Variants in ISLR2 observed in about 807,000 individuals in gnomAD.
ISLR2 encodes immunoglobulin superfamily containing leucine rich repeat 2, also known as immunoglobulin superfamily containing leucine-rich repeat protein 2.
ISLR2 carries 16 observed loss-of-function variants against 25.5 expected under a neutral mutation model. The ratio of observed to expected loss-of-function variants is 0.63; its 90% CI spans 0.43 to 0.95. The LOEUF is 0.95. Among genes scored for constraint, ISLR2 ranks in the 40% least tolerant of loss-of-function variants. ISLR2 has a pLI of 0.00. For missense variants in ISLR2, 883 were observed against 1,030.7 expected (o/e 0.86, Z 1.96); for synonymous variants, 508 against 486.6 (o/e 1.04, Z -0.58).
Position 74,133,684 on chromosome 15 carries a change from G to A in ISLR2, c.930G>A (p.Thr310=). The A allele has an allele frequency of 1.2e-6, 2 of 1,607,452 alleles. No individual in the cohort carries two copies. The highest frequency in any genetic ancestry group is 1.7e-6 in the Non-Finnish European group (2 of 1,177,030). ...GEGEGDGDLL[T]QTQAQTPTPA... Reference sequence around the variant, plus strand: ...GAGAAGGAGATGGGGATTTGCTGACGCAGACCCAAGCCCAAACGCCGACTC... The same window carrying A: ...GAGAAGGAGATGGGGATTTGCTGACACAGACCCAAGCCCAAACGCCGACTC... The change falls in exon 3 of 3, where the codon ACG becomes ACA. Residue 310 remains threonine (T), a synonymous_variant. Coordinates refer to ENST00000453268, the MANE Select transcript of ISLR2 (RefSeq NM_020851.3).
At chr15:74,127,913 A>T (rs1320919572), upstream of ISLR2, 1 of 155,076 alleles carries the variant, frequency 6.4e-6, no homozygotes, top group African/African-American at 2.4e-5. Flanking sequence ...CAGCCTGGTT[A>T]GAAGCCTTAG....
At chr15:74,123,180 A>G (rs1366506247), upstream of ISLR2, among the ~76,000 whole-genome samples, 4 of 152,148 alleles carry the variant, frequency 2.6e-5, no homozygotes, top group Non-Finnish European at 4.4e-5. Context: ...AGCAGTGCAC[A>G]GCAGTTTGGG....
chr15:74,141,646 A>G (rs2072611211), downstream of ISLR2, among the ~76,000 whole-genome samples: 1 of 152,214 alleles, frequency 6.6e-6, no homozygotes, highest in Admixed American at 6.5e-5. Context: ...TTATTTTGTC[A>G]TTCCTTATAG....
intron 2 of ISLR2, among the ~76,000 whole-genome samples, chr15:74,111,666 G>T (rs1172794790): frequency 1.3e-5 from 2 of 151,964 alleles, no homozygotes; most frequent in East Asian, 1.9e-4. Flanking sequence ...CCACCTCCCA[G>T]GTTCATGTGA....
Position 74,133,976 on chromosome 15 carries a change from G to T in ISLR2, c.1222G>T (p.Val408Phe). 1 of 1,610,486 alleles carries T rather than the reference G, an allele frequency of 6.2e-7. No individual in the cohort carries two copies. The highest frequency in any genetic ancestry group is 8.5e-7 in the Non-Finnish European group (1 of 1,178,472). The change falls in exon 3 of 3, where the codon GTC becomes TTC. Residue 408 changes from valine (V) to phenylalanine (F), a missense_variant. Val to Phe is a conservative substitution (Grantham distance 50). Coordinates refer to ENST00000453268, the MANE Select transcript of ISLR2 (RefSeq NM_020851.3). ...KSTAKGRGNS[V>F]LPSKPEGKIK... Reference sequence around the variant, plus strand: ...CACAGCCAAGGGCCGGGGCAACAGCGTCCTGCCTTCCAAACCCGAGGGCAA... The same window carrying T: ...CACAGCCAAGGGCCGGGGCAACAGCTTCCTGCCTTCCAAACCCGAGGGCAA...
At chr15:74,121,820 C>T (rs532194269) in intron 2 of ISLR2, among the ~76,000 whole-genome samples, 128 of 152,324 alleles carry the variant, frequency 8.4e-4, no homozygotes, top group African/African-American at 2.8e-3. Flanking sequence ...CTCCTCCCTC[C>T]AGATCTCTGC....
intron 1 of ISLR2, chr15:74,130,956 C>T (rs2072401351): frequency 6.6e-6 from 1 of 152,040 alleles, no homozygotes; most frequent in South Asian, 2.1e-4. Flanking sequence ...TGGGATGCCC[C>T]TTATGACCGA....
intron 1 of ISLR2, among the ~76,000 whole-genome samples, chr15:74,102,964 C>A (rs141407788): frequency 5.3e-5 from 8 of 151,684 alleles, no homozygotes; most frequent in Admixed American, 6.6e-5. Context: ...CCCACCATTG[C>A]GCCTGGCTAA....
rs202026978 is a variant in ISLR2 at position 74,134,704 on chromosome 15, G to C, written c.1950G>C (p.Ser650=). Residue 650 remains serine (S), a synonymous_variant, in exon 3 of 3, where the codon TCG becomes TCC. Coordinates refer to ENST00000453268, the MANE Select transcript of ISLR2 (RefSeq NM_020851.3). ...CCGCAGACTTCGACCCGCGTGCTTC[G>C]TACCTCGAGTCCGAGAAAAGCTACC... ...RIAADFDPRA[S]YLESEKSYPA... The C allele has an allele frequency of 3.1e-6, 5 of 1,614,108 alleles. No homozygotes were observed. Among genetic ancestry groups the C allele is most frequent in the Non-Finnish European group, 4.2e-6 (5 of 1,180,012 alleles).
At chr15:74,113,305 C>G (rs2072184694) in intron 2 of ISLR2, among the ~76,000 whole-genome samples, 1 of 152,130 alleles carries the variant, frequency 6.6e-6, no homozygotes, top group Non-Finnish European at 1.5e-5. Context: ...TGCACACCAC[C>G]ACACCCAACT....
chr15:74,134,021 G>A lies in ISLR2; in HGVS notation c.1267G>A (p.Ala423Thr). The change falls in exon 3 of 3, where the codon GCC (alanine) becomes ACC (threonine). Residue 423 changes from alanine (A) to threonine (T), a missense_variant. By Grantham distance (58) the Ala-to-Thr change is moderately conservative. Transcript: ENST00000453268. ...PEGKIKGQGL[A>T]KVSILGETET... is the part of the protein sequence containing the mutation. The stretch of plus-strand genomic sequence containing the variant: ...GGGCAAAATCAAAGGCCAAGGCCTG[G>A]CCAAGGTCAGCATTCTCGGGGAGAC... 1.2e-6 allele frequency: 2 copies of A among 1,613,260 alleles called. No homozygotes were observed. Among genetic ancestry groups the A allele is most frequent in the South Asian group, 1.1e-5 (1 of 90,892 alleles).
In ISLR2 at chr15:74,135,054, C is replaced by G; in HGVS notation, c.*62C>G. The G allele has an allele frequency of 6.4e-7, 1 of 1,561,170 alleles. No homozygotes were observed. The highest frequency in any genetic ancestry group is 1.8e-5 in the Admixed American group (1 of 55,772). On this transcript the variant is annotated 3_prime_UTR_variant, in exon 3 of 3. Coordinates refer to ENST00000453268, the MANE Select transcript of ISLR2 (RefSeq NM_020851.3). ...ACCTAGGGTGCCTGGGAGCAGCAGT[C>G]TAGGGCTGGCAGGACTTATGTCCCC...
chr15:74,107,577 C>T (rs1438528157), intron 2 of ISLR2, among the ~76,000 whole-genome samples: 1 of 152,186 alleles, frequency 6.6e-6, no homozygotes, highest in Non-Finnish European at 1.5e-5. Context: ...CCTGCCCTAC[C>T]CACAGCTTAC....
Position 74,134,849 on chromosome 15 carries a change from T to C in ISLR2, c.2095T>C (p.Cys699Arg). 1 of 1,614,152 alleles carries C rather than the reference T, an allele frequency of 6.2e-7. No individual in the cohort carries two copies. Residue 699 changes from cysteine (C) to arginine (R), a missense_variant, in exon 3 of 3, where the codon TGC becomes CGC. Transcript: ENST00000453268. ...GCAGAGAGAGGAGAGCCTGGCGGCC[T>C]GCTCACTGGTGGAGTCCCAGTCCAA... ...DLQREESLAA[C>R]SLVESQSKAN...
intron 2 of ISLR2, among the ~76,000 whole-genome samples, chr15:74,118,966 T>G (rs950730461): frequency 3.3e-5 from 5 of 151,644 alleles, no homozygotes; most frequent in African/African-American, 1.2e-4. Flanking sequence ...CTGCTTTTAT[T>G]ATTTTTAATC....
intron 2 of ISLR2, among the ~76,000 whole-genome samples, chr15:74,131,590 AG>A (rs1043994959): frequency 5.3e-5 from 8 of 152,126 alleles, no homozygotes; most frequent in Admixed American, 5.2e-4. Context: ...TGTTATGGGG[AG>A]GGGGTCCTTA....
upstream of ISLR2, among the ~76,000 whole-genome samples, chr15:74,125,569 C>G (rs1028034703): frequency 1.3e-5 from 2 of 152,224 alleles, no homozygotes; most frequent in African/African-American, 4.8e-5. Context: ...GGAGTATCGC[C>G]TCTTCCAGGC....
intron 2 of ISLR2, among the ~76,000 whole-genome samples, chr15:74,118,878 C>G (rs1186346150): frequency 6.6e-6 from 1 of 151,966 alleles, no homozygotes; most frequent in Admixed American, 6.6e-5. Context: ...AGGATGGTCT[C>G]GATCTCTTGA....
chr15:74,124,019 C>G (rs574659997), upstream of ISLR2, among the ~76,000 whole-genome samples: 1 of 152,058 alleles, frequency 6.6e-6, no homozygotes, highest in South Asian at 2.1e-4. Flanking sequence ...TCCAAGAATT[C>G]TGTGAAAGCA....
Sources: gnomAD v4.1 joint callset for allele counts (sites outside exome capture counted in the v4.1 genomes callset) on GRCh38, gnomAD v4.1.1 for gene constraint, MANE v1.5 for transcripts, NCBI Gene and HGNC (gene_info 2026-07-23, HGNC 2026-07-21) for gene names.